The following CMTR1 variants were observed in gnomAD, a reference collection of about 807,000 sequenced individuals.
CMTR1 encodes cap methyltransferase 1, also known as cap-specific mRNA (nucleoside-2'-O-)-methyltransferase 1.
CMTR1 carries 39 observed loss-of-function variants against 107.0 expected under a neutral mutation model. The observed-to-expected ratio is 0.36, with a 90% CI of 0.28 to 0.48. CMTR1 has a LOEUF of 0.48. Among genes scored for constraint, CMTR1 ranks in the 20% least tolerant of loss-of-function variants. The pLI is 0.99. For missense variants in CMTR1, 672 were observed against 1,064.9 expected (o/e 0.63, Z 5.14); for synonymous variants, 366 against 379.5 (o/e 0.96, Z 0.41).
At chr6:37,445,517 C>G (rs925921604) in intron 3 of CMTR1, among the ~76,000 whole-genome samples, 3 of 110,886 alleles carry the variant, frequency 2.7e-5, no homozygotes, top group East Asian at 5.8e-4. Context: ...GAGATGGAGT[C>G]TTGCTCTGTC....
At chr6:37,432,940 A>G (rs1376880465), upstream of CMTR1, among the ~76,000 whole-genome samples, 1 of 152,264 alleles carries the variant, frequency 6.6e-6, no homozygotes. Flanking sequence ...CTTAGTCTGT[A>G]AAATGAAGAT....
rs575497353 is a variant in CMTR1 at position 37,480,433 on chromosome 6, G to A, written c.*288G>A. ...GGTATGAGGTCAGTGCCTAGGGCAC[G>A]TGGGACTGATGGAGGACATATCAGA... On this transcript the variant is annotated 3_prime_UTR_variant, in exon 24 of 24. Transcript: ENST00000373451. The A allele has an allele frequency of 6.3e-5, 78 of 1,242,542 alleles. No homozygotes were observed. In the African/African-American group the frequency reaches 1.2e-3, roughly 19 times the overall value. 77.0% of individuals were successfully genotyped at this position (1,242,542 alleles called of 1,614,324 possible).
At chr6:37,470,683 T>C (rs992765900) in intron 13 of CMTR1, among the ~76,000 whole-genome samples, 23 of 152,230 alleles carry the variant, frequency 1.5e-4, no homozygotes, top group Non-Finnish European at 3.4e-4. Flanking sequence ...GCTGTTAGTA[T>C]ACATAGGTCG....
intron 5 of CMTR1, among the ~76,000 whole-genome samples, chr6:37,450,674 C>T (rs999091492): frequency 2.6e-5 from 4 of 152,016 alleles, no homozygotes; most frequent in East Asian, 1.9e-4. Flanking sequence ...AGACATTGTC[C>T]CTGCCCTCAG....
At chr6:37,459,919 G>A (rs1429948971) in intron 10 of CMTR1, among the ~76,000 whole-genome samples, 1 of 152,192 alleles carries the variant, frequency 6.6e-6, no homozygotes, top group East Asian at 1.9e-4. Context: ...GCTCCTGGTG[G>A]AGGCTGTCTA....
chr6:37,458,901 A>G lies in CMTR1; in HGVS notation c.976+91A>G. On this transcript the variant is annotated intron_variant, in intron 9 of 23. Transcript: ENST00000373451. The surrounding 1 kb of genome is among the most constrained non-coding windows in gnomAD (Gnocchi z 4.7). ...GAAGCAGTTGTTATCCACATGCCAT[A>G]TTTTCTTTCCTAGGTCTCTTACCCT... 1 of 1,204,126 alleles carries G rather than the reference A, an allele frequency of 8.3e-7. No homozygotes were observed. The highest frequency in any genetic ancestry group is 1.4e-5 in the South Asian group (1 of 73,776). The allele number at this position is 1,204,126 out of a possible 1,614,324, so 74.6% of individuals were successfully genotyped here.
intron 2 of CMTR1, among the ~76,000 whole-genome samples, chr6:37,441,127 G>C (rs1453039187): frequency 1.3e-5 from 2 of 152,186 alleles, no homozygotes; most frequent in African/African-American, 4.8e-5. Flanking sequence ...GGTACCACCT[G>C]TTTCTGTATT....
At chr6:37,434,855 G>A (rs893619321) in intron 1 of CMTR1, among the ~76,000 whole-genome samples, 7 of 152,198 alleles carry the variant, frequency 4.6e-5, no homozygotes, top group East Asian at 1.9e-4. Context: ...CAGGTGATCC[G>A]CCCACCTCTT....
chr6:37,440,710 G>A (rs1418157160), intron 2 of CMTR1, among the ~76,000 whole-genome samples: 1 of 152,214 alleles, frequency 6.6e-6, no homozygotes, highest in Non-Finnish European at 1.5e-5. Context: ...AGTCACCACT[G>A]ATTTGCTTAG....
intron 4 of CMTR1, among the ~76,000 whole-genome samples, chr6:37,447,585 G>A (rs1277168380): frequency 1.3e-5 from 2 of 152,240 alleles, no homozygotes; most frequent in Non-Finnish European, 2.9e-5. Flanking sequence ...TATAGGCCGG[G>A]CATGGTGGCT....
intron 4 of CMTR1, among the ~76,000 whole-genome samples, chr6:37,447,764 G>A (rs181821129): frequency 6.6e-6 from 1 of 152,190 alleles, no homozygotes; most frequent in Non-Finnish European, 1.5e-5. Context: ...AGAGGCTAAG[G>A]CAGGAGAATC....
In CMTR1 at chr6:37,453,393, A is replaced by G. The variant is rs1017283615; in HGVS notation, c.777+81A>G. The stretch of plus-strand genomic sequence containing the variant: ...TGGCTCAGCCATTGCCATTTGTTCA[A>G]TGCTAGGAGAGTATTCTGACTGTGT... On this transcript the variant is annotated intron_variant, in intron 8 of 23. Coordinates refer to ENST00000373451, the MANE Select transcript of CMTR1 (RefSeq NM_015050.3). The G allele has an allele frequency of 2.1e-5, 27 of 1,257,730 alleles. No homozygotes were observed. The East Asian group carries it at 4.6e-4, about 22-fold the overall frequency. The allele number at this position is 1,257,730 out of a possible 1,614,324, so 77.9% of individuals were successfully genotyped here. A position where few individuals can be genotyped will look rare whatever the true frequency, so the allele number is the denominator to read the frequency against.
chr6:37,432,064 C>T (rs565284086), upstream of CMTR1, among the ~76,000 whole-genome samples: 1 of 152,218 alleles, frequency 6.6e-6, no homozygotes, highest in South Asian at 2.1e-4. Flanking sequence ...GTGATCCATC[C>T]GCCTCAGCCT....
chr6:37,431,764 A>G (rs1234815919), upstream of CMTR1, among the ~76,000 whole-genome samples: 1 of 152,222 alleles, frequency 6.6e-6, no homozygotes, highest in Non-Finnish European at 1.5e-5. Context: ...AAAGAGGAGA[A>G]GCATGATCCA....
In CMTR1 at chr6:37,461,959, C is replaced by G. The variant is rs556310068; in HGVS notation, c.1193-11C>G. ...CCATTGGCTGCTTTTGGTGTTTTCT[C>G]TCTAATCTAGGAGGCCACTTCATCT... On this transcript the variant is annotated splice_polypyrimidine_tract_variant and intron_variant, in intron 11 of 23. Coordinates refer to ENST00000373451, the MANE Select transcript of CMTR1 (RefSeq NM_015050.3). 60 of 1,613,444 alleles carry G rather than the reference C, an allele frequency of 3.7e-5. No individual in the cohort carries two copies. The highest frequency in any genetic ancestry group is 1.6e-4 in the Middle Eastern group (1 of 6,062).
Position 37,478,505 on chromosome 6 carries a change from C to T in CMTR1, c.2250C>T (p.Ile750=), listed in dbSNP as rs1285522751. 1.1e-5 allele frequency: 17 copies of T among 1,613,484 alleles called. No individual in the cohort carries two copies. The highest frequency in any genetic ancestry group is 1.4e-5 in the Non-Finnish European group (17 of 1,179,574). Residue 750 remains isoleucine (I), a synonymous_variant, in exon 22 of 24, where the codon ATC becomes ATT. Transcript: ENST00000373451. ...ACTTTGTACCCATGGGCCTCTACATCGTCAGGACAGTGAATGGTGGGTGAG... is the reference window on the plus strand; with the variant it reads ...ACTTTGTACCCATGGGCCTCTACATTGTCAGGACAGTGAATGGTGGGTGAG... ...DRHFVPMGLY[I]VRTVNEPWTM...
chr6:37,477,537 G>A (rs1291232923), intron 20 of CMTR1, 55 bp from the exon 21 acceptor site: 1 of 1,538,944 alleles, frequency 6.5e-7, no homozygotes, highest in South Asian at 1.1e-5. Context: ...GCTGCCTCCT[G>A]GATGAGAATG....
intron 14 of CMTR1, among the ~76,000 whole-genome samples, chr6:37,471,590 T>C (rs1761628207): frequency 1.3e-5 from 2 of 152,262 alleles, no homozygotes; most frequent in African/African-American, 2.4e-5. Context: ...ATCCAGGTCG[T>C]CTGGAGGGCA....
In CMTR1 at chr6:37,480,166, C is replaced by T; in HGVS notation, c.*21C>T. 1 of 1,595,718 alleles carries T rather than the reference C, an allele frequency of 6.3e-7. No homozygotes were observed. The highest frequency in any genetic ancestry group is 1.1e-5 in the South Asian group (1 of 87,910). ...CCTAAGAGCCTCAGAATGTGCCACC[C>T]CTGCAGAATGCCCTGTCATTCCTGA... On this transcript the variant is annotated 3_prime_UTR_variant, in exon 24 of 24. Coordinates refer to ENST00000373451, the MANE Select transcript of CMTR1 (RefSeq NM_015050.3).
Sources: gnomAD v4.1 joint callset for allele counts (sites outside exome capture counted in the v4.1 genomes callset) on GRCh38, gnomAD v4.1.1 for gene constraint, Gnocchi (gnomAD v3.1) non-coding constraint, MANE v1.5 for transcripts, NCBI Gene and HGNC (gene_info 2026-07-23, HGNC 2026-07-21) for gene names.